The following C6 variants were observed in gnomAD, a reference collection of about 807,000 sequenced individuals.
C6 encodes complement C6.
Under a neutral mutation model 112.9 loss-of-function variants are expected in C6, and 101 were observed. The observed-to-expected ratio is 0.89, with a 90% CI of 0.76 to 1.06. The LOEUF (loss-of-function observed/expected upper bound fraction) is 1.06, where lower values mean the gene tolerates loss of function less well. Among genes scored for constraint, C6 ranks in the 50% least tolerant of loss-of-function variants. The pLI, the probability that C6 is intolerant of heterozygous loss-of-function variation, is 0.00. For synonymous variants in C6, 431 were observed against 384.1 expected (o/e 1.12, Z -1.43); for missense variants, 1,202 against 1,104.6 (o/e 1.09, Z -1.25).
intron 5 of C6, among the ~76,000 whole-genome samples, chr5:41,189,819 A>G (rs777226081): frequency 6.6e-6 from 1 of 151,974 alleles, no homozygotes; most frequent in Non-Finnish European, 1.5e-5. Context: ...ATCTACTTGT[A>G]TGAGATCAAC....
chr5:41,180,973 T>A (rs1749283979), intron 7 of C6, among the ~76,000 whole-genome samples: 1 of 152,016 alleles, frequency 6.6e-6, no homozygotes, highest in African/African-American at 2.4e-5. Flanking sequence ...ATATATGTAT[T>A]TGTATATGTG....
At chr5:41,210,841 G>T (rs1353108505) in intron 1 of C6, among the ~76,000 whole-genome samples, 1 of 152,160 alleles carries the variant, frequency 6.6e-6, no homozygotes, top group South Asian at 2.1e-4. Flanking sequence ...ATTCCTCCAG[G>T]ATCTAGAACT....
chr5:41,207,824 C>A (rs1161839894), intron 1 of C6, among the ~76,000 whole-genome samples: 1 of 152,124 alleles, frequency 6.6e-6, no homozygotes, highest in Non-Finnish European at 1.5e-5. Flanking sequence ...ATCAACAAGA[C>A]AGAAAGTTAA....
At chr5:41,167,324 T>C (rs1278836993) in intron 9 of C6, among the ~76,000 whole-genome samples, 1 of 152,136 alleles carries the variant, frequency 6.6e-6, no homozygotes, top group Non-Finnish European at 1.5e-5. Context: ...GCCACACATT[T>C]TAGGATTCAG....
intron 1 of C6, among the ~76,000 whole-genome samples, chr5:41,219,840 T>A (rs1481078505): frequency 1.3e-5 from 2 of 152,184 alleles, no homozygotes; most frequent in Non-Finnish European, 2.9e-5. Context: ...AGGAGAAAGG[T>A]TGTCTCAGTC....
intron 1 of C6, among the ~76,000 whole-genome samples, chr5:41,259,750 A>C (rs1447488312): frequency 1.3e-5 from 2 of 152,244 alleles, no homozygotes; most frequent in African/African-American, 4.8e-5. Context: ...GCACTTAAAA[A>C]GAATAAAATT....
intron 1 of C6, among the ~76,000 whole-genome samples, chr5:41,243,004 A>T (rs1386572523): frequency 6.6e-6 from 1 of 152,066 alleles, no homozygotes; most frequent in Non-Finnish European, 1.5e-5. Context: ...GGATGGGAGG[A>T]GGAATGGGAA....
intron 9 of C6, among the ~76,000 whole-genome samples, chr5:41,164,268 T>G (rs570359752): frequency 8.8e-4 from 134 of 152,274 alleles, no homozygotes; most frequent in African/African-American, 3.1e-3. Context: ...TCTTTGGCAA[T>G]TAAGGAGGAT....
intron 1 of C6, among the ~76,000 whole-genome samples, chr5:41,251,429 A>G (rs2018813): frequency 0.026 from 3,913 of 152,206 alleles, 165 homozygotes; most frequent in African/African-American, 0.089. Flanking sequence ...ATTGAATGCT[A>G]TTGCTGTTAT....
At chr5:41,185,451 CA>C (rs1749693287) in intron 6 of C6, among the ~76,000 whole-genome samples, 1 of 152,124 alleles carries the variant, frequency 6.6e-6, no homozygotes, top group South Asian at 2.1e-4. Flanking sequence ...GTTCTTATCA[CA>C]ATTTAAAAGA....
Position 41,213,360 on chromosome 5 carries a change from T to G in C6, c.-21+16A>C. The stretch of plus-strand genomic sequence containing the variant: ...TGAAATATTAAGATTGAAAATGAAA[T>G]CATCATATTACTCACCTTTAAGCAG... On this transcript the variant is annotated intron_variant, in intron 1 of 17. Transcript: ENST00000337836. The G allele has an allele frequency of 7.3e-6, 7 of 956,892 alleles. No homozygotes were observed. The highest frequency in any genetic ancestry group is 8.7e-6 in the Non-Finnish European group (7 of 803,968). The allele number at this position is 956,892 out of a possible 1,614,324, so 59.3% of individuals were successfully genotyped here. A position where few individuals can be genotyped will look rare whatever the true frequency, so the allele number is the denominator to read the frequency against.
chr5:41,260,473 A>G (rs1221099141), intron 1 of C6, among the ~76,000 whole-genome samples: 7 of 147,344 alleles, frequency 4.8e-5, no homozygotes, highest in Non-Finnish European at 9.0e-5. Context: ...AAACAAACAA[A>G]TAAAAATGCT....
At chr5:41,177,620 C>A (rs1159148771) in intron 7 of C6, among the ~76,000 whole-genome samples, 1 of 152,072 alleles carries the variant, frequency 6.6e-6, no homozygotes, top group African/African-American at 2.4e-5. Flanking sequence ...TAACCGTATT[C>A]CTCTTTGCTA....
chr5:41,213,233 C>G (rs10512766), intron 1 of C6, 143 bp downstream of exon 1: 53,758 of 216,400 alleles, frequency 0.25, 7,793 homozygotes, highest in Non-Finnish European at 0.31. Context: ...CAGATTTAAA[C>G]AAAGCAATTA....
chr5:41,186,825 A>T (rs890448918), intron 5 of C6, among the ~76,000 whole-genome samples: 1 of 152,124 alleles, frequency 6.6e-6, no homozygotes, highest in Non-Finnish European at 1.5e-5. Flanking sequence ...AGATATAATT[A>T]TTATACCTGT....
At position 41,213,511 on chromosome 5, in the gene C6, T is replaced by A. The variant is rs1020990139; in HGVS notation, c.-156A>T. The A allele has an allele frequency of 1.5e-5, 15 of 985,230 alleles. No homozygotes were observed. The highest frequency in any genetic ancestry group is 7.0e-5 in the African/African-American group (4 of 57,246). 61.0% of individuals were successfully genotyped at this position (985,230 alleles called of 1,614,324 possible). A position where few individuals can be genotyped will look rare whatever the true frequency, so the allele number is the denominator to read the frequency against. ...CTTATTGCTAGCTAACACAAGGCAA[T>A]GCTGTCATATCCCAGAAGCCTAGCA... On this transcript the variant is annotated 5_prime_UTR_variant, in exon 1 of 18. Coordinates refer to ENST00000337836, the MANE Select transcript of C6 (RefSeq NM_000065.5).
chr5:41,204,233 A>G (rs1432537860), intron 1 of C6, among the ~76,000 whole-genome samples: 2 of 152,234 alleles, frequency 1.3e-5, no homozygotes, highest in Non-Finnish European at 2.9e-5. Flanking sequence ...ACTATCTATA[A>G]AATAAGAGTA....
intron 11 of C6, 58 bp downstream of exon 11, chr5:41,160,084 T>C: frequency 1.5e-6 from 2 of 1,379,100 alleles, no homozygotes; most frequent in Non-Finnish European, 2.1e-6. Context: ...TTGACCAACT[T>C]AGAATACTCT....
At chr5:41,252,244 G>T (rs971760258) in intron 1 of C6, among the ~76,000 whole-genome samples, 1 of 152,218 alleles carries the variant, frequency 6.6e-6, no homozygotes, top group South Asian at 2.1e-4. Flanking sequence ...GGCTGGTAGA[G>T]ATTCTGGAAA....
Sources: gnomAD v4.1 joint callset for allele counts (sites outside exome capture counted in the v4.1 genomes callset) on GRCh38, gnomAD v4.1.1 for gene constraint, MANE v1.5 for transcripts, NCBI Gene and HGNC (gene_info 2026-07-23, HGNC 2026-07-21) for gene names.